The following STOML3 variants were observed in gnomAD, a reference collection of about 807,000 sequenced individuals.
STOML3 encodes stomatin-like protein 3.
Under a neutral mutation model 29.5 loss-of-function variants are expected in STOML3, and 31 were observed. That is an observed-to-expected ratio of 1.05 (90% CI 0.79 to 1.42). The LOEUF (loss-of-function observed/expected upper bound fraction) is 1.42. Among genes scored for constraint, STOML3 ranks in the 40% most tolerant of loss-of-function variants. The pLI is 0.00. For missense variants in STOML3, 380 were observed against 363.0 expected, an observed-to-expected ratio of 1.05 and a Z score of -0.38; for synonymous variants, 122 against 139.8, an observed-to-expected ratio of 0.87 and a Z score of 0.90.
At chr13:38,988,658 A>G (rs1171052307) in intron 1 of STOML3, among the ~76,000 whole-genome samples, 1 of 132,560 alleles carries the variant, frequency 7.5e-6, no homozygotes, top group African/African-American at 2.8e-5. Context: ...TTTTATATAT[A>G]TTATATATTG....
intron 1 of STOML3, among the ~76,000 whole-genome samples, chr13:38,978,441 A>C (rs562079818): frequency 6.6e-6 from 1 of 152,320 alleles, no homozygotes; most frequent in African/African-American, 2.4e-5. Context: ...GGCATGAGCC[A>C]CTGCACCTGG....
In STOML3 at chr13:38,966,996, G is replaced by T; in HGVS notation, c.705C>A (p.Ser235=). Residue 235 remains serine (S), a synonymous_variant, in exon 7 of 7, where the codon TCC becomes TCA. Transcript: ENST00000379631. ...CTATGGGAGACTCAGCCAGCACCAT[G>T]GAGGCTGACTTCAGGGATTTGGAAG... The part of the protein sequence containing the change: ...MNASKSLKSA[S]MVLAESPIAL... 6.2e-7 allele frequency: 1 copy of T among 1,614,058 alleles called. No homozygotes were observed. The highest frequency in any genetic ancestry group is 8.5e-7 in the Non-Finnish European group (1 of 1,180,008).
At chr13:38,967,717 A>G (rs1386122069) in intron 6 of STOML3, among the ~76,000 whole-genome samples, 1 of 152,172 alleles carries the variant, frequency 6.6e-6, no homozygotes, top group Non-Finnish European at 1.5e-5. Context: ...CTTAGCAGAT[A>G]AACCAGATTT....
In STOML3 at chr13:38,970,222, A is replaced by T. The variant is rs540325943; in HGVS notation, c.479T>A (p.Ile160Asn). The T allele has an allele frequency of 1.4e-5, 23 of 1,614,002 alleles. No individual in the cohort carries two copies. The highest frequency in any genetic ancestry group is 1.2e-4 in the South Asian group (11 of 91,078). Residue 160 changes from isoleucine (I) to asparagine (N), a missense_variant, in exon 5 of 7, where the codon ATC becomes AAC. By Grantham distance (149) the Ile-to-Asn change is moderately radical. Transcript: ENST00000379631. ...GGCGATCTCTTCTCGTCCAGCTAAG[A>T]TCTGGGACAAGGTCTGTGTCCCTAA... ...NVLGTQTLSQ[I>N]LAGREEIAHS...
At chr13:38,979,269 C>G (rs1881193216) in intron 1 of STOML3, among the ~76,000 whole-genome samples, 1 of 152,136 alleles carries the variant, frequency 6.6e-6, no homozygotes. Context: ...TTTATGCATT[C>G]TCATAGAATC....
At chr13:38,981,918 C>G (rs1053590687) in intron 1 of STOML3, among the ~76,000 whole-genome samples, 7 of 152,136 alleles carry the variant, frequency 4.6e-5, no homozygotes, top group Non-Finnish European at 5.9e-5. Flanking sequence ...CAACTAATAC[C>G]TGAGAGCAAT....
intron 1 of STOML3, among the ~76,000 whole-genome samples, chr13:38,988,812 TA>T (rs1366408091): frequency 2.1e-5 from 3 of 143,388 alleles, no homozygotes; most frequent in Non-Finnish European, 4.5e-5. Context: ...TTATAGTATA[TA>T]GTATATATAA....
chr13:38,966,601 C>A lies in STOML3; in HGVS notation c.*224G>T. The A allele has an allele frequency of 2.7e-6, 1 of 371,024 alleles. No homozygotes were observed. Among genetic ancestry groups the A allele is most frequent in the East Asian group, 4.1e-5 (1 of 24,352 alleles). 23.0% of individuals were successfully genotyped at this position (371,024 alleles called of 1,614,324 possible). On this transcript the variant is annotated 3_prime_UTR_variant, in exon 7 of 7. Transcript: ENST00000379631. Reference sequence around the variant, plus strand: ...ACTAATTAATTATATAAGAATATTACAAAGTTGATTATGGTCCTAAAAATA... The same window carrying A: ...ACTAATTAATTATATAAGAATATTAAAAAGTTGATTATGGTCCTAAAAATA...
chr13:38,979,264 G>A (rs573656686), intron 1 of STOML3, among the ~76,000 whole-genome samples: 3 of 152,126 alleles, frequency 2.0e-5, no homozygotes, highest in Admixed American at 6.5e-5. Context: ...GACACTTTAT[G>A]CATTCTCATA....
intron 5 of STOML3, among the ~76,000 whole-genome samples, chr13:38,969,609 T>C (rs1880786510): frequency 6.6e-6 from 1 of 152,196 alleles, no homozygotes; most frequent in African/African-American, 2.4e-5. Flanking sequence ...AACCCAAATG[T>C]AATTCATCTA....
At chr13:38,985,907 C>CTTTTTTTTTT (rs1868500200) in intron 1 of STOML3, among the ~76,000 whole-genome samples, 5 of 23,670 alleles carry the variant, frequency 2.1e-4, no homozygotes, top group Non-Finnish European at 4.4e-4. Flanking sequence ...TTTTTCTTTT[C>CTTTTTTTTTT]TTTCTTTTTT....
At chr13:38,977,300 A>T (rs1323233341) in intron 1 of STOML3, among the ~76,000 whole-genome samples, 1 of 152,232 alleles carries the variant, frequency 6.6e-6, no homozygotes, top group Non-Finnish European at 1.5e-5. Context: ...GAGCTCTGTC[A>T]CTTACCAATT....
At chr13:38,980,814 C>A (rs977936319) in intron 1 of STOML3, among the ~76,000 whole-genome samples, 2 of 151,836 alleles carry the variant, frequency 1.3e-5, no homozygotes, top group Non-Finnish European at 2.9e-5. Flanking sequence ...TATTACAATG[C>A]CTTGGTCTTT....
At chr13:38,974,133 C>T (rs1056207468) in intron 3 of STOML3, among the ~76,000 whole-genome samples, 1 of 152,120 alleles carries the variant, frequency 6.6e-6, no homozygotes, top group Non-Finnish European at 1.5e-5. Flanking sequence ...ACCCTGGGAA[C>T]TCTTAACATT....
chr13:38,966,832 T>G lies in STOML3; in HGVS notation c.869A>C (p.Lys290Thr), dbSNP rs761962362. 3 of 1,611,808 alleles carry G rather than the reference T, an allele frequency of 1.9e-6. No individual in the cohort carries two copies. The highest frequency in any genetic ancestry group is 2.5e-6 in the Non-Finnish European group (3 of 1,178,800). The stretch of plus-strand genomic sequence containing the variant: ...GACTACCGCAAGAGGACCTCAGGCT[T>G]TATTTGGAAGCTTCTTGTGGTTATC... ...SYDNHKKLPN[K>T]A The change falls in exon 7 of 7, where the codon AAA (lysine) becomes ACA (threonine). Residue 290 changes from lysine (K) to threonine (T), a missense_variant. By Grantham distance (78) the Lys-to-Thr change is moderately conservative. Coordinates refer to ENST00000379631, the MANE Select transcript of STOML3 (RefSeq NM_145286.3).
chr13:38,988,866 TTATATAA>T (rs2138032729), intron 1 of STOML3, among the ~76,000 whole-genome samples: 1 of 143,730 alleles, frequency 7.0e-6, no homozygotes, highest in South Asian at 2.1e-4. Context: ...ATATGCTGTA[TTATATAA>T]TATATATTAT....
At chr13:38,979,952 G>C in intron 1 of STOML3, 1 of 1,197,908 alleles carries the variant, frequency 8.3e-7, no homozygotes, top group Non-Finnish European at 1.2e-6. Flanking sequence ...CACCAGCTGT[G>C]CTTAATGCCT....
chr13:38,983,734 G>T (rs1312729415), intron 1 of STOML3, among the ~76,000 whole-genome samples: 3 of 152,130 alleles, frequency 2.0e-5, no homozygotes, highest in Non-Finnish European at 2.9e-5. Flanking sequence ...ATCCTAAGAG[G>T]TTTCCAAACA....
At chr13:38,970,467 C>T in intron 4 of STOML3, 79 bp from the exon 5 acceptor site, 1 of 1,211,318 alleles carries the variant, frequency 8.3e-7, no homozygotes, top group Non-Finnish European at 1.2e-6. Flanking sequence ...GCCCAAGAGC[C>T]ATCCTCCACA....
Sources: gnomAD v4.1 joint callset for allele counts (sites outside exome capture counted in the v4.1 genomes callset) on GRCh38, gnomAD v4.1.1 for gene constraint, MANE v1.5 for transcripts, NCBI Gene and HGNC (gene_info 2026-07-23, HGNC 2026-07-21) for gene names.